Variants in KCNAB1 observed in about 807,000 individuals in gnomAD.
KCNAB1 encodes voltage-gated potassium channel subunit beta-1.
A neutral mutation model predicts 64.6 loss-of-function variants in KCNAB1; 35 were observed. The observed-to-expected ratio is 0.54, with a 90% CI of 0.41 to 0.72. KCNAB1 has a LOEUF of 0.72. Among genes scored for constraint, KCNAB1 ranks in the 30% least tolerant of loss-of-function variants. KCNAB1 has a pLI of 0.00. For synonymous variants in KCNAB1, 177 were observed against 183.8 expected (o/e 0.96, Z 0.30); for missense variants, 401 against 512.9 (o/e 0.78, Z 2.11).
intron 2 of KCNAB1, among the ~76,000 whole-genome samples, chr3:156,443,279 G>A (rs1241284715): frequency 6.6e-6 from 1 of 152,176 alleles, no homozygotes; most frequent in Non-Finnish European, 1.5e-5. Flanking sequence ...AAGGAAGGAA[G>A]GTTAGTGGGG....
chr3:156,278,609 T>A (rs1719495193), intron 1 of KCNAB1, among the ~76,000 whole-genome samples: 10 of 152,194 alleles, frequency 6.6e-5, no homozygotes, highest in Admixed American at 6.5e-4. Context: ...GTTCGTAATG[T>A]ACCATTTTAG....
chr3:156,186,786 C>A (rs746213278), intron 1 of KCNAB1, among the ~76,000 whole-genome samples: 59 of 152,036 alleles, frequency 3.9e-4, no homozygotes, highest in Middle Eastern at 6.8e-3. Context: ...TTTGAGCCCT[C>A]CCTCCCTTTT....
At chr3:156,511,294 G>A (rs7644916) in intron 8 of KCNAB1, among the ~76,000 whole-genome samples, 63,402 of 151,592 alleles carry the variant, frequency 0.42, 13,771 homozygotes, top group African/African-American at 0.54. Flanking sequence ...TAGTAGAGAC[G>A]GGGTTTCACC....
At chr3:156,441,075 A>T (rs1253864166) in intron 2 of KCNAB1, 1 of 152,186 alleles carries the variant, frequency 6.6e-6, no homozygotes, top group South Asian at 2.1e-4. Context: ...AAGAGGAAGA[A>T]TTTGAAAGGA....
intron 1 of KCNAB1, among the ~76,000 whole-genome samples, chr3:156,344,567 T>C (rs1376007401): frequency 6.6e-6 from 1 of 152,178 alleles, no homozygotes; most frequent in African/African-American, 2.4e-5. Flanking sequence ...CTCAAACTCA[T>C]ATGTCTAAGA....
chr3:156,204,174 C>T (rs1023421288), intron 1 of KCNAB1, among the ~76,000 whole-genome samples: 20 of 152,268 alleles, frequency 1.3e-4, no homozygotes, highest in African/African-American at 3.6e-4. Context: ...TTTTCTATGA[C>T]GATTACATTC....
intron 1 of KCNAB1, among the ~76,000 whole-genome samples, chr3:156,147,940 G>GACACACACACACAC (rs6148150): frequency 0.026 from 3,849 of 146,090 alleles, 190 homozygotes; most frequent in African/African-American, 0.092. Context: ...CACATGCCAA[G>GACACACACACACAC]ACACACACAC....
intron 1 of KCNAB1, among the ~76,000 whole-genome samples, chr3:156,225,807 C>T: frequency 6.6e-6 from 1 of 152,130 alleles, no homozygotes; most frequent in East Asian, 1.9e-4. Context: ...ATCAAGAACT[C>T]AACTCCTTTC....
intron 1 of KCNAB1, among the ~76,000 whole-genome samples, chr3:156,287,947 A>G (rs1016659145): frequency 1.1e-4 from 17 of 152,238 alleles, no homozygotes; most frequent in Non-Finnish European, 2.5e-4. Flanking sequence ...TAAGAACTAA[A>G]GTAAAAACAA....
chr3:156,397,571 A>G (rs1404881042), intron 1 of KCNAB1, among the ~76,000 whole-genome samples: 2 of 152,156 alleles, frequency 1.3e-5, no homozygotes, highest in Non-Finnish European at 2.9e-5. Context: ...GGGAAACTAT[A>G]ACAGTTTGGC....
chr3:156,302,830 G>C (rs1721245402), intron 1 of KCNAB1, among the ~76,000 whole-genome samples: 1 of 152,140 alleles, frequency 6.6e-6, no homozygotes, highest in South Asian at 2.1e-4. Context: ...AGACCAAGCT[G>C]TAATTAAAAT....
chr3:156,518,800 T>A (rs912132992), intron 11 of KCNAB1, among the ~76,000 whole-genome samples: 2 of 152,224 alleles, frequency 1.3e-5, no homozygotes, highest in African/African-American at 4.8e-5. Flanking sequence ...AAATTTGTGT[T>A]ATCAGCTCTG....
chr3:156,181,547 A>T (rs890324873), intron 1 of KCNAB1, among the ~76,000 whole-genome samples: 1 of 152,130 alleles, frequency 6.6e-6, no homozygotes, highest in Admixed American at 6.5e-5. Flanking sequence ...AGAGAAGGTA[A>T]GGATGCCCTC....
intron 1 of KCNAB1, among the ~76,000 whole-genome samples, chr3:156,252,516 T>G (rs1717889022): frequency 1.3e-5 from 2 of 152,252 alleles, no homozygotes; most frequent in Admixed American, 1.3e-4. Flanking sequence ...ATCCTTTGGT[T>G]GAAATAAAGT....
At chr3:156,387,445 A>G (rs1338493621) in intron 1 of KCNAB1, among the ~76,000 whole-genome samples, 1 of 152,194 alleles carries the variant, frequency 6.6e-6, no homozygotes, top group Non-Finnish European at 1.5e-5. Context: ...GCACAGTCCT[A>G]TCTTTTAATC....
At chr3:156,213,633 C>A (rs1369183938) in intron 1 of KCNAB1, among the ~76,000 whole-genome samples, 1 of 152,152 alleles carries the variant, frequency 6.6e-6, no homozygotes, top group African/African-American at 2.4e-5. Context: ...GTCCTCCATG[C>A]AGGGTGGGGA....
At chr3:156,342,992 A>T (rs1334232429) in intron 1 of KCNAB1, among the ~76,000 whole-genome samples, 2 of 152,238 alleles carry the variant, frequency 1.3e-5, no homozygotes, top group Non-Finnish European at 2.9e-5. Flanking sequence ...GTTAAGGAAG[A>T]AAACTGTCAT....
At chr3:156,368,343 C>G (rs1199359916) in intron 1 of KCNAB1, among the ~76,000 whole-genome samples, 5 of 152,098 alleles carry the variant, frequency 3.3e-5, no homozygotes, top group African/African-American at 1.2e-4. Flanking sequence ...GTGCATAAAG[C>G]TCACCTGGTG....
At chr3:156,129,860 C>T (rs1414426883) in intron 1 of KCNAB1, among the ~76,000 whole-genome samples, 2 of 152,174 alleles carry the variant, frequency 1.3e-5, no homozygotes, top group African/African-American at 2.4e-5. Flanking sequence ...CTTCCCTCCT[C>T]GTTTAACTTA....
Sources: gnomAD v4.1 joint callset for allele counts (sites outside exome capture counted in the v4.1 genomes callset) on GRCh38, gnomAD v4.1.1 for gene constraint, MANE v1.5 for transcripts, NCBI Gene and HGNC (gene_info 2026-07-23, HGNC 2026-07-21) for gene names.